Variants in MIB1 observed in about 807,000 individuals in gnomAD.
MIB1 encodes the protein MIB E3 ubiquitin protein ligase 1.
In MIB1, 278 loss-of-function variants were observed where a neutral mutation model predicts 124.5. That is an observed-to-expected ratio of 2.23 (90% CI 2.02 to 2.47). MIB1 has a LOEUF of 2.47. MIB1 is among the 30% of genes most tolerant of loss of function. The probability of loss-of-function intolerance (pLI) is 0.00; values close to 1 mark genes in which losing one functional copy is unlikely to be tolerated. For synonymous variants in MIB1, 446 were observed against 429.4 expected, an observed-to-expected ratio of 1.04 and a Z score of -0.48; for missense variants, 957 against 1,254.4, an observed-to-expected ratio of 0.76 and a Z score of 3.58.
chr18:21,738,589 C>G (rs938737813), upstream of MIB1, among the ~76,000 whole-genome samples: 1 of 151,754 alleles, frequency 6.6e-6, no homozygotes, highest in Non-Finnish European at 1.5e-5. Context: ...GGGCGGATCA[C>G]GAGGTCAGAA....
intron 15 of MIB1, among the ~76,000 whole-genome samples, chr18:21,845,890 T>A (rs2042130403): frequency 6.6e-6 from 1 of 152,238 alleles, no homozygotes; most frequent in African/African-American, 2.4e-5. Context: ...CCCAAAGTCC[T>A]GGGATTACAG....
At chr18:21,813,014 G>A (rs575447242) in intron 10 of MIB1, among the ~76,000 whole-genome samples, 8 of 152,012 alleles carry the variant, frequency 5.3e-5, no homozygotes, top group Non-Finnish European at 1.2e-4. Context: ...GTGTGCGTGT[G>A]TATTTTCCAT....
chr18:21,739,068 G>T (rs900031975), upstream of MIB1, among the ~76,000 whole-genome samples: 2 of 150,958 alleles, frequency 1.3e-5, no homozygotes, highest in African/African-American at 4.9e-5. Context: ...GAAGAGAGAA[G>T]AATCAAATAG....
Position 21,721,338 on chromosome 18 carries a change from G to A in MIB1, n.167+16215G>A, listed in dbSNP as rs181384180. Among the ~76,000 whole-genome samples, 1,302 of 151,206 alleles carry A rather than the reference G, an allele frequency of 8.6e-3. 17 individuals carry two copies. The highest frequency in any genetic ancestry group is 0.03 in the African/African-American group (1,224 of 41,218). ...TGGGATTACAAGCATACACCGCCAC[G>A]CCCAGCTAATTTTTGTATTTTTAGT... On this transcript the variant is annotated intron_variant and non_coding_transcript_variant, in intron 1 of 20. Coordinates refer to the MIB1 transcript ENST00000578646.
chr18:21,762,541 G>A (rs1249536772), intron 1 of MIB1, among the ~76,000 whole-genome samples: 1 of 152,174 alleles, frequency 6.6e-6, no homozygotes, highest in African/African-American at 2.4e-5. Context: ...TTCCCTGGAT[G>A]TGCTGATGGG....
At chr18:21,746,227 C>T (rs902268189) in intron 1 of MIB1, among the ~76,000 whole-genome samples, 2 of 152,116 alleles carry the variant, frequency 1.3e-5, no homozygotes, top group African/African-American at 4.8e-5. Flanking sequence ...GTTAAGGATT[C>T]TGGAGTGGTT....
chr18:21,734,939 A>T (rs1197720850), intron 1 of MIB1, among the ~76,000 whole-genome samples: 1 of 152,242 alleles, frequency 6.6e-6, no homozygotes, highest in Non-Finnish European at 1.5e-5. Flanking sequence ...CAAAAAATGG[A>T]ACTCCATGCA....
intron 4 of MIB1, among the ~76,000 whole-genome samples, chr18:21,775,026 A>C (rs1268758369): frequency 1.3e-5 from 2 of 151,222 alleles, no homozygotes; most frequent in Non-Finnish European, 2.9e-5. Context: ...GCTCACTGCT[A>C]GCTCCACCTC....
intron 6 of MIB1, among the ~76,000 whole-genome samples, chr18:21,780,655 C>T (rs1305180703): frequency 6.6e-6 from 1 of 152,132 alleles, no homozygotes; most frequent in East Asian, 1.9e-4. Context: ...ATTGTATTGC[C>T]CATGCAGGTC....
chr18:21,706,536 G>A (rs1024474637), intron 1 of MIB1, among the ~76,000 whole-genome samples: 1 of 152,158 alleles, frequency 6.6e-6, no homozygotes, highest in African/African-American at 2.4e-5. Flanking sequence ...GGCGGGAACC[G>A]GGGCTGCTGT....
At chr18:21,745,985 T>TGTG (rs2040908763) in intron 1 of MIB1, among the ~76,000 whole-genome samples, 1 of 152,130 alleles carries the variant, frequency 6.6e-6, no homozygotes, top group Admixed American at 6.5e-5. Context: ...GGATTACAAG[T>TGTG]GTGAGCCACC....
chr18:21,729,456 C>A (rs1011206758), intron 1 of MIB1, among the ~76,000 whole-genome samples: 1 of 152,042 alleles, frequency 6.6e-6, no homozygotes, highest in East Asian at 1.9e-4. Context: ...ACATGGTAGA[C>A]GATGCAAAAG....
intron 6 of MIB1, among the ~76,000 whole-genome samples, chr18:21,789,598 C>G (rs2146440394): frequency 6.6e-6 from 1 of 152,116 alleles, no homozygotes; most frequent in Middle Eastern, 3.4e-3. Flanking sequence ...AAATTCCTGA[C>G]CCGAGGTCAG....
In MIB1 at chr18:21,843,149, A is replaced by T. The variant is rs1235179463; in HGVS notation, c.1981A>T (p.Ile661Phe). 6.2e-7 allele frequency: 1 copy of T among 1,602,322 alleles called. No homozygotes were observed. Among genetic ancestry groups the T allele is most frequent in the East Asian group, 2.3e-5 (1 of 44,010 alleles). Residue 661 changes from isoleucine (I) to phenylalanine (F), a missense_variant, in exon 14 of 21, where the codon ATC becomes TTC. Coordinates refer to ENST00000261537, the MANE Select transcript of MIB1 (RefSeq NM_020774.4). The part of the protein sequence containing the change: ...LVHQGNANLD[I>F]QNVNQQTALH... ...CGTTCAGGGTAATGCAAACCTGGAT[A>T]TCCAGAATGTGAACCAACAAACTGC...
intron 13 of MIB1, among the ~76,000 whole-genome samples, chr18:21,840,657 ATATATATATTTTTT>A (rs1429023850): frequency 0.089 from 149 of 1,678 alleles, 5 homozygotes; most frequent in Admixed American, 0.34. Context: ...ATATATATAT[ATATATATATTTTTT>A]TTTTTTTTTA....
At chr18:21,833,346 T>A (rs1210415527) in intron 12 of MIB1, among the ~76,000 whole-genome samples, 2 of 152,210 alleles carry the variant, frequency 1.3e-5, no homozygotes, top group African/African-American at 4.8e-5. Flanking sequence ...ATACTAGGTA[T>A]ACAAAGTATA....
chr18:21,869,253 T>C lies in MIB1; in HGVS notation c.*4587T>C, dbSNP rs559145598. On this transcript the variant is annotated 3_prime_UTR_variant, in exon 21 of 21. Transcript: ENST00000261537. ...TGATTTGTTTCATAAACCCAGCTTA[T>C]TTCCTCCAAAAAGCAAAATGGTCCT... 2.6e-5 allele frequency: 4 copies of C among 152,594 alleles called. No individual in the cohort carries two copies. The highest frequency in any genetic ancestry group is 1.3e-4 in the Admixed American group (2 of 15,292). The allele number at this position is 152,594 out of a possible 1,614,324, so 9.5% of individuals were successfully genotyped here. A position where few individuals can be genotyped will look rare whatever the true frequency, so the allele number is the denominator to read the frequency against.
At chr18:21,814,937 T>C (rs781180476) in intron 10 of MIB1, among the ~76,000 whole-genome samples, 79 of 145,026 alleles carry the variant, frequency 5.4e-4, no homozygotes, top group Non-Finnish European at 9.8e-4. Context: ...TGTAAAAATT[T>C]TTAAATGTCA....
intron 1 of MIB1, among the ~76,000 whole-genome samples, chr18:21,734,824 C>T (rs1392102621): frequency 6.6e-6 from 1 of 152,212 alleles, no homozygotes; most frequent in Admixed American, 6.5e-5. Context: ...CCACCGCTCC[C>T]AGCCAGGGAC....
Sources: allele counts gnomAD v4.1 joint callset (sites outside exome capture counted in the v4.1 genomes callset), GRCh38; gene constraint gnomAD v4.1.1; transcripts MANE v1.5; gene names NCBI Gene and HGNC (gene_info 2026-07-23, HGNC 2026-07-21).